The following SUMF1 variants were observed in gnomAD, a reference collection of about 807,000 sequenced individuals.
SUMF1 encodes the protein formylglycine-generating enzyme.
In SUMF1, 48 loss-of-function variants were observed where a neutral mutation model predicts 47.6. That is an observed-to-expected ratio of 1.01 (90% CI 0.80 to 1.28). The LOEUF (loss-of-function observed/expected upper bound fraction) is 1.28. Ranked by LOEUF, SUMF1 falls within the 50% of genes most tolerant of loss-of-function variation. SUMF1 has a pLI of 0.00. For missense variants in SUMF1, 571 were observed against 485.4 expected (o/e 1.18, Z -1.66); for synonymous variants, 230 against 192.1 (o/e 1.20, Z -1.63).
At chr3:4,161,394 G>C (rs1421946716) in intron 8 of SUMF1, among the ~76,000 whole-genome samples, 2 of 152,166 alleles carry the variant, frequency 1.3e-5, no homozygotes, top group Non-Finnish European at 2.9e-5. Context: ...AGGTCAGTGA[G>C]TTCTCCCAGG....
rs574302941 is a variant in SUMF1 at position 4,113,545 on chromosome 3, A to G, written c.1015-44800T>C. On this transcript the variant is annotated intron_variant and NMD_transcript_variant, in intron 8 of 12. Transcript: ENST00000448413. Reference sequence around the variant, plus strand: ...TGTCACCGCCCCCCACCCCCAAAAAAGAAAGAAATATATATCATATTATTG... The same window carrying G: ...TGTCACCGCCCCCCACCCCCAAAAAGGAAAGAAATATATATCATATTATTG... Among the ~76,000 whole-genome samples, 24 of 152,086 alleles carry G rather than the reference A, an allele frequency of 1.6e-4. 1 individual carries two copies. Among genetic ancestry groups the G allele is most frequent in the Admixed American group, 1.4e-3 (22 of 15,280 alleles).
chr3:4,206,040 G>A (rs1695645887), intron 8 of SUMF1, among the ~76,000 whole-genome samples: 1 of 152,026 alleles, frequency 6.6e-6, no homozygotes, highest in South Asian at 2.1e-4. Context: ...GGTTCAGGGT[G>A]GGTCTAGAAC....
At chr3:4,362,393 T>C (rs1469706017) in intron 8 of SUMF1, 139 bp from the exon 9 acceptor site, 3 of 729,412 alleles carry the variant, frequency 4.1e-6, no homozygotes, top group Non-Finnish European at 7.3e-6. Flanking sequence ...ATGTATGCTT[T>C]AAAAAGGGCA....
At chr3:4,041,175 CA>C (rs1474480338) in intron 9 of SUMF1, among the ~76,000 whole-genome samples, 1 of 152,194 alleles carries the variant, frequency 6.6e-6, no homozygotes, top group Non-Finnish European at 1.5e-5. Context: ...GGAGTTCAAG[CA>C]ATTCTCCTGC....
intron 8 of SUMF1, among the ~76,000 whole-genome samples, chr3:4,285,840 G>A (rs974704924): frequency 6.6e-6 from 1 of 151,780 alleles, no homozygotes; most frequent in African/African-American, 2.4e-5. Flanking sequence ...CCATACTAAT[G>A]GATAAACACT....
chr3:4,175,210 G>A (rs1020853310), intron 8 of SUMF1, among the ~76,000 whole-genome samples: 1 of 152,206 alleles, frequency 6.6e-6, no homozygotes, highest in Non-Finnish European at 1.5e-5. Flanking sequence ...TGAGCTCTGA[G>A]AATGGACAGA....
chr3:4,201,919 T>C (rs929629871), intron 8 of SUMF1, among the ~76,000 whole-genome samples: 1 of 152,106 alleles, frequency 6.6e-6, no homozygotes, highest in Non-Finnish European at 1.5e-5. Context: ...CAATGTCTAT[T>C]GAGATCTTTT....
At chr3:4,056,609 A>T (rs317539) in intron 9 of SUMF1, among the ~76,000 whole-genome samples, 141,701 of 152,140 alleles carry the variant, frequency 0.93, 66,777 homozygotes, top group Non-Finnish European at 1. Flanking sequence ...CAGTGAGCTA[A>T]AATCATACCA....
rs140460954 is a variant in SUMF1, at chr3:4,120,569, T to A, written c.1015-51824A>T. On this transcript the variant is annotated intron_variant and NMD_transcript_variant, in intron 8 of 12. Coordinates refer to the SUMF1 transcript ENST00000448413. ...CTGCCTGGCCTCCTGGAGTCACAAT[T>A]ACACCTATGGGAAATTCAAGGCCAA... Among the ~76,000 whole-genome samples the A allele has an allele frequency of 2.9e-3, 435 of 152,116 alleles. 4 individuals carry two copies. The highest frequency in any genetic ancestry group is 0.01 in the African/African-American group (415 of 41,462).
intron 3 of SUMF1, among the ~76,000 whole-genome samples, chr3:4,421,538 G>C (rs960754164): frequency 5.9e-5 from 9 of 152,098 alleles, no homozygotes; most frequent in African/African-American, 2.2e-4. Flanking sequence ...GGAGAACAGT[G>C]GCACGGTCAT....
rs143754187 is a variant in SUMF1, at chr3:4,410,928, G to A, written c.891C>T (p.Asn297=). ...ACCAGTCTGAAGTCCATTCCCATGCGTTCCCCACTATGTTGTATAAGCCAT... is the reference window on the plus strand; with the variant it reads ...ACCAGTCTGAAGTCCATTCCCATGCATTCCCCACTATGTTGTATAAGCCAT... ...NGYGLYNIVG[N]AWEWTSDWWT... Residue 297 remains asparagine, a synonymous_variant, in exon 7 of 9, where the codon AAC becomes AAT. Coordinates refer to ENST00000272902, the MANE Select transcript of SUMF1 (RefSeq NM_182760.4). 450 of 1,614,058 alleles carry A rather than the reference G, an allele frequency of 2.8e-4. No homozygotes were observed. The highest frequency in any genetic ancestry group is 8.5e-4 in the East Asian group (38 of 44,884).
intron 8 of SUMF1, among the ~76,000 whole-genome samples, chr3:4,086,763 C>CT: frequency 6.6e-6 from 1 of 152,092 alleles, no homozygotes; most frequent in Middle Eastern, 3.4e-3. Context: ...ATCATGAGGG[C>CT]GGTTTCCCCC....
At chr3:4,442,256 T>TC (rs1195997436) in intron 3 of SUMF1, among the ~76,000 whole-genome samples, 2 of 115,868 alleles carry the variant, frequency 1.7e-5, no homozygotes, top group Non-Finnish European at 2.0e-5. Context: ...CACCATGAAC[T>TC]CTTTTTTTTT....
intron 8 of SUMF1, among the ~76,000 whole-genome samples, chr3:4,147,558 C>T (rs1694224531): frequency 6.6e-6 from 1 of 152,084 alleles, no homozygotes; most frequent in African/African-American, 2.4e-5. Context: ...AAATGTCTCA[C>T]CTAAAAAGCT....
At chr3:4,133,732 G>C (rs1321599086) in intron 8 of SUMF1, among the ~76,000 whole-genome samples, 2 of 152,054 alleles carry the variant, frequency 1.3e-5, no homozygotes, top group East Asian at 1.9e-4. Context: ...GGCTCTCCTT[G>C]TTCCTCAGCC....
chr3:4,132,642 G>C (rs1412938810), intron 8 of SUMF1, among the ~76,000 whole-genome samples: 4 of 152,052 alleles, frequency 2.6e-5, no homozygotes, highest in African/African-American at 9.7e-5. Context: ...CTTAGTTCCT[G>C]GGGGAGGAAC....
chr3:4,183,784 G>A (rs145376724), intron 8 of SUMF1, among the ~76,000 whole-genome samples: 1 of 152,254 alleles, frequency 6.6e-6, no homozygotes, highest in South Asian at 2.1e-4. Flanking sequence ...AAAGGAAATA[G>A]GATTCTCATT....
intron 8 of SUMF1, among the ~76,000 whole-genome samples, chr3:4,297,024 T>G (rs1310348833): frequency 1.3e-5 from 2 of 152,184 alleles, no homozygotes; most frequent in Non-Finnish European, 2.9e-5. Context: ...CTTCTCCATC[T>G]ATATACCAAA....
intron 8 of SUMF1, among the ~76,000 whole-genome samples, chr3:4,227,714 A>G (rs975296469): frequency 6.6e-6 from 1 of 152,096 alleles, no homozygotes; most frequent in Non-Finnish European, 1.5e-5. Context: ...AATGAGAACA[A>G]CAGTGAGCCA....
Sources: gnomAD v4.1 joint callset for allele counts (sites outside exome capture counted in the v4.1 genomes callset) on GRCh38, gnomAD v4.1.1 for gene constraint, MANE v1.5 for transcripts, NCBI Gene and HGNC (gene_info 2026-07-23, HGNC 2026-07-21) for gene names.